The following UBE2U variants were observed in gnomAD, a reference collection of about 807,000 sequenced individuals.
UBE2U encodes ubiquitin-conjugating enzyme E2 U.
Under a neutral mutation model 41.2 loss-of-function variants are expected in UBE2U, and 39 were observed. The observed-to-expected ratio is 0.95, with a 90% CI of 0.73 to 1.24. UBE2U has a LOEUF of 1.24. Among genes scored for constraint, UBE2U ranks in the 50% most tolerant of loss-of-function variants. The probability of loss-of-function intolerance (pLI) is 0.00; values close to 1 mark genes in which losing one functional copy is unlikely to be tolerated. For synonymous variants in UBE2U, 107 were observed against 117.8 expected (o/e 0.91, Z 0.60); for missense variants, 336 against 363.1 (o/e 0.93, Z 0.61).
intron 8 of UBE2U, among the ~76,000 whole-genome samples, chr1:64,259,867 T>C (rs1400595727): frequency 1.3e-5 from 2 of 151,958 alleles, no homozygotes; most frequent in East Asian, 3.9e-4. Flanking sequence ...GTGGGTTGAA[T>C]CATGTCCCCA....
chr1:64,217,222 C>G (rs1557708416), intron 5 of UBE2U, among the ~76,000 whole-genome samples: 1 of 152,104 alleles, frequency 6.6e-6, no homozygotes, highest in South Asian at 2.1e-4. Flanking sequence ...TTTGATAGAG[C>G]TAAATGACCA....
intron 8 of UBE2U, among the ~76,000 whole-genome samples, chr1:64,252,092 C>T (rs1645020123): frequency 6.6e-6 from 1 of 152,172 alleles, no homozygotes; most frequent in African/African-American, 2.4e-5. Flanking sequence ...GCATTCCAGA[C>T]GAGGAGGGGT....
Position 64,251,867 on chromosome 1 carries a change from G to A in UBE2U, c.678-8736G>A, listed in dbSNP as rs544604981. 2.0e-5 allele frequency among the ~76,000 whole-genome samples: 3 copies of A among 152,252 alleles called. 1 individual carries two copies. The highest frequency in any genetic ancestry group is 7.2e-5 in the African/African-American group (3 of 41,540). On this transcript the variant is annotated intron_variant, in intron 8 of 9. Transcript: ENST00000371077. ...TCCACCCATACATTCCCCTAGGAAG[G>A]GGGCTGAATCCAGAGAGCCAAGCAG...
intron 4 of UBE2U, among the ~76,000 whole-genome samples, chr1:64,214,289 A>C (rs1651842100): frequency 6.6e-6 from 1 of 152,200 alleles, no homozygotes. Context: ...TAGGGAGCTG[A>C]ATTTTTAATT....
chr1:64,215,010 A>G (rs957557925), intron 5 of UBE2U, 78 bp downstream of exon 5: 25 of 1,106,078 alleles, frequency 2.3e-5, no homozygotes, highest in Middle Eastern at 2.4e-4. Context: ...AGGTGGGTGG[A>G]TCATCTGAGG....
At chr1:64,264,915 A>G (rs1295275537) in intron 9 of UBE2U, among the ~76,000 whole-genome samples, 3 of 152,044 alleles carry the variant, frequency 2.0e-5, no homozygotes, top group African/African-American at 7.2e-5. Flanking sequence ...ACGCCACCGC[A>G]CTCCAGCCTG....
rs2100223996 is a variant in UBE2U at position 64,203,791 on chromosome 1, G to A, written c.-260G>A. 1 of 372,980 alleles carries A rather than the reference G, an allele frequency of 2.7e-6. No homozygotes were observed. Among genetic ancestry groups the A allele is most frequent in the Non-Finnish European group, 4.8e-6 (1 of 207,076 alleles). 23.1% of individuals were successfully genotyped at this position (372,980 alleles called of 1,614,324 possible). On this transcript the variant is annotated 5_prime_UTR_variant, in exon 1 of 10. Coordinates refer to ENST00000371077, the MANE Select transcript of UBE2U (RefSeq NM_001366232.2). ...TGTCTTGAGACTGGGCTGTGAGCCG[G>A]CACTGCAGTGAAACGCCGCAGATGA...
chr1:64,204,131 C>G lies in UBE2U; in HGVS notation c.66+15C>G. The G allele has an allele frequency of 6.2e-7, 1 of 1,605,948 alleles. No homozygotes were observed. The highest frequency in any genetic ancestry group is 1.1e-5 in the South Asian group (1 of 89,678). On this transcript the variant is annotated intron_variant, in intron 1 of 9. Transcript: ENST00000371077. Reference sequence around the variant, plus strand: ...ACAATTATAAGGTAAGTACTGGGCACGTGGAGAGATGTGTTTCATTGTGCA... The same window carrying G: ...ACAATTATAAGGTAAGTACTGGGCAGGTGGAGAGATGTGTTTCATTGTGCA...
In UBE2U at chr1:64,239,023, C is replaced by T. The variant is rs187383836; in HGVS notation, c.596-2629C>T. ...TGCCACTGCACTCCAGCCTGGGTGACAAAGTGAGACCCCCATCTCAAAAAG... is the reference window on the plus strand; with the variant it reads ...TGCCACTGCACTCCAGCCTGGGTGATAAAGTGAGACCCCCATCTCAAAAAG... On this transcript the variant is annotated intron_variant, in intron 7 of 9. Transcript: ENST00000371077. Among the ~76,000 whole-genome samples, 17 of 144,410 alleles carry T rather than the reference C, an allele frequency of 1.2e-4. No homozygotes were observed. In the South Asian group the frequency reaches 3.7e-3, roughly 31 times the overall value. The allele number at this position is 144,410 out of a possible 152,430, so 94.7% of individuals were successfully genotyped here.
At chr1:64,210,407 G>C (rs1338599687) in intron 3 of UBE2U, among the ~76,000 whole-genome samples, 1 of 152,146 alleles carries the variant, frequency 6.6e-6, no homozygotes, top group East Asian at 1.9e-4. Flanking sequence ...TCTGGGGGAA[G>C]GGGGAAGAAA....
chr1:64,252,190 C>G (rs1645021871), intron 8 of UBE2U, among the ~76,000 whole-genome samples: 1 of 152,138 alleles, frequency 6.6e-6, no homozygotes, highest in African/African-American at 2.4e-5. Context: ...TTTTCACTAC[C>G]TCCTGTAGGG....
intron 9 of UBE2U, among the ~76,000 whole-genome samples, chr1:64,262,040 T>G (rs1232312091): frequency 6.6e-6 from 1 of 152,174 alleles, no homozygotes; most frequent in Non-Finnish European, 1.5e-5. Flanking sequence ...ACAACCTAAA[T>G]GCTACACTAA....
chr1:64,220,378 C>A (rs974902925), intron 5 of UBE2U, among the ~76,000 whole-genome samples: 1 of 152,152 alleles, frequency 6.6e-6, no homozygotes, highest in African/African-American at 2.4e-5. Context: ...CAGTTTCTTA[C>A]TCCATCCTGT....
chr1:64,227,575 G>A (rs1377185082), intron 6 of UBE2U, among the ~76,000 whole-genome samples: 1 of 152,162 alleles, frequency 6.6e-6, no homozygotes. Context: ...GCCAAGGTGG[G>A]CAGATCATCT....
intron 8 of UBE2U, among the ~76,000 whole-genome samples, chr1:64,246,741 G>T (rs1644927818): frequency 6.6e-6 from 1 of 152,156 alleles, no homozygotes; most frequent in Non-Finnish European, 1.5e-5. Context: ...GTTCTAGCTT[G>T]TATCTAACAC....
At chr1:64,226,788 C>T (rs1177832396) in intron 6 of UBE2U, among the ~76,000 whole-genome samples, 2 of 150,784 alleles carry the variant, frequency 1.3e-5, no homozygotes, top group Non-Finnish European at 2.9e-5. Flanking sequence ...GAGAAAATGT[C>T]TACATTTCCA....
intron 8 of UBE2U, among the ~76,000 whole-genome samples, chr1:64,254,840 A>C (rs1314950852): frequency 6.6e-6 from 1 of 151,996 alleles, no homozygotes; most frequent in African/African-American, 2.4e-5. Flanking sequence ...CTTGTTAACA[A>C]TCTAACATCA....
intron 9 of UBE2U, among the ~76,000 whole-genome samples, chr1:64,263,445 C>T (rs1645209612): frequency 6.6e-6 from 1 of 152,124 alleles, no homozygotes; most frequent in Non-Finnish European, 1.5e-5. Context: ...GAGAAAGATT[C>T]AAGGCATAGA....
At chr1:64,259,033 A>T (rs1645141449) in intron 8 of UBE2U, among the ~76,000 whole-genome samples, 1 of 150,538 alleles carries the variant, frequency 6.6e-6, no homozygotes, top group African/African-American at 2.4e-5. Context: ...GTGAGATGGT[A>T]TCTCATTGTG....
Sources: gnomAD v4.1 joint callset for allele counts (sites outside exome capture counted in the v4.1 genomes callset) on GRCh38, gnomAD v4.1.1 for gene constraint, MANE v1.5 for transcripts, NCBI Gene and HGNC (gene_info 2026-07-23, HGNC 2026-07-21) for gene names.